SLC8B1: variants seen among roughly 807,000 people sequenced by gnomAD.
The protein encoded by SLC8B1 is solute carrier family 8 member B1, also known as mitochondrial sodium/calcium exchanger protein.
In SLC8B1, 52 loss-of-function variants were observed where a neutral mutation model predicts 63.4. The observed-to-expected ratio is 0.82, with a 90% CI of 0.66 to 1.03. The LOEUF is 1.03. Among genes scored for constraint, SLC8B1 ranks in the 50% least tolerant of loss-of-function variants. The pLI is 0.00. For synonymous variants in SLC8B1, 336 were observed against 323.9 expected (o/e 1.04, Z -0.40); for missense variants, 657 against 741.7 (o/e 0.89, Z 1.33).
chr12:113,305,724 G>A lies in SLC8B1; in HGVS notation c.1492+771C>T, dbSNP rs1956662238. Among the ~76,000 whole-genome samples the A allele has an allele frequency of 6.6e-6, 1 of 152,172 alleles. No homozygotes were observed. The highest frequency in any genetic ancestry group is 1.5e-5 in the Non-Finnish European group (1 of 68,030). Reference sequence around the variant, plus strand: ...GTTTCTGCACTATAGCAGCAGAGTTGAGTAGCTGCAAAACCGCCTGCATGG... The same window carrying A: ...GTTTCTGCACTATAGCAGCAGAGTTAAGTAGCTGCAAAACCGCCTGCATGG... On this transcript the variant is annotated intron_variant, in intron 14 of 15. Transcript: ENST00000680972. This position sits in a 1 kb window ranked among gnomAD's most constrained non-coding sequence, Gnocchi z 4.3.
intron 2 of SLC8B1, among the ~76,000 whole-genome samples, chr12:113,325,855 G>C (rs545634408): frequency 1.3e-5 from 2 of 152,152 alleles, no homozygotes; most frequent in Non-Finnish European, 2.9e-5. Context: ...GAGCCACCGC[G>C]CCCAGCCCTG....
At chr12:113,302,687 T>C (rs1956606491) in intron 15 of SLC8B1, 1 of 456,052 alleles carries the variant, frequency 2.2e-6, no homozygotes, top group Admixed American at 2.4e-5. Context: ...CCCAGCCACC[T>C]GCATCCTCCT....
At chr12:113,301,174 G>T (rs964333613) in intron 15 of SLC8B1, among the ~76,000 whole-genome samples, 1 of 151,958 alleles carries the variant, frequency 6.6e-6, no homozygotes, top group Non-Finnish European at 1.5e-5. Flanking sequence ...ATAGATGGAG[G>T]CATGGACAGA....
intron 2 of SLC8B1, among the ~76,000 whole-genome samples, chr12:113,328,697 C>T (rs1041742443): frequency 2.6e-5 from 4 of 151,946 alleles, no homozygotes; most frequent in African/African-American, 9.7e-5. Context: ...ACACTTCTTG[C>T]AGGAAGCCCT....
intron 2 of SLC8B1, among the ~76,000 whole-genome samples, chr12:113,325,588 G>A (rs983126800): frequency 1.4e-5 from 2 of 143,236 alleles, no homozygotes; most frequent in Non-Finnish European, 3.0e-5. Context: ...TTTTTGAGAC[G>A]GAGTCTCGCT....
Position 113,320,014 on chromosome 12 carries a change from A to C in SLC8B1, c.694+317T>G. ...CGCTATGTTGCCCAGGCTGGTCTCAAACTCCTGAACCAAAGTGATCCTCCT... is the reference window on the plus strand; with the variant it reads ...CGCTATGTTGCCCAGGCTGGTCTCACACTCCTGAACCAAAGTGATCCTCCT... On this transcript the variant is annotated intron_variant, in intron 7 of 15. Coordinates refer to ENST00000680972, the MANE Select transcript of SLC8B1 (RefSeq NM_001358345.2). The surrounding 1 kb of genome is among the most constrained non-coding windows in gnomAD (Gnocchi z 5.3). The C allele has an allele frequency of 3.5e-6, 1 of 288,894 alleles. No homozygotes were observed. Among genetic ancestry groups the C allele is most frequent in the South Asian group, 5.1e-5 (1 of 19,792 alleles). The allele number at this position is 288,894 out of a possible 1,614,324, so 17.9% of individuals were successfully genotyped here. A position where few individuals can be genotyped will look rare whatever the true frequency, so the allele number is the denominator to read the frequency against.
rs1194174130 is a variant in SLC8B1 at position 113,315,485 on chromosome 12, G to A, written c.994-9C>T. The A allele has an allele frequency of 6.4e-7, 1 of 1,573,926 alleles. No homozygotes were observed. On this transcript the variant is annotated splice_polypyrimidine_tract_variant and intron_variant, in intron 10 of 15. Coordinates refer to ENST00000680972, the MANE Select transcript of SLC8B1 (RefSeq NM_001358345.2). ...AGGAACTCCACAGGCAGCTGTCAAG[G>A]GGGCAAAAGTGGGAGGGTGTCGGCA...
chr12:113,319,268 T>G, intron 7 of SLC8B1, 197 bp from the exon 8 acceptor site: 1 of 542,132 alleles, frequency 1.8e-6, no homozygotes, highest in Non-Finnish European at 3.4e-6. Context: ...CCTTCCTGTC[T>G]CCCTTGCAAT....
rs1957110798 is a variant in SLC8B1 at position 113,335,016 on chromosome 12, A to C, written c.-656T>G. Reference sequence around the variant, plus strand: ...ACCTCGGGCCGGGCCTGGGACCAGCAAACTCCGAACCTCGACCTCGCAGGG... The same window carrying C: ...ACCTCGGGCCGGGCCTGGGACCAGCCAACTCCGAACCTCGACCTCGCAGGG... On this transcript the variant is annotated 5_prime_UTR_variant, in exon 1 of 16. Coordinates refer to ENST00000680972, the MANE Select transcript of SLC8B1 (RefSeq NM_001358345.2). The C allele has an allele frequency of 6.6e-6, 1 of 152,274 alleles. No homozygotes were observed. Among genetic ancestry groups the C allele is most frequent in the Non-Finnish European group, 1.5e-5 (1 of 68,070 alleles). The allele number at this position is 152,274 out of a possible 1,614,324, so 9.4% of individuals were successfully genotyped here.
intron 8 of SLC8B1, 113 bp downstream of exon 8, chr12:113,318,851 G>A (rs1357530705): frequency 1.3e-6 from 1 of 745,762 alleles, no homozygotes; most frequent in Non-Finnish European, 2.3e-6. Context: ...AGAGCATGAA[G>A]AGGAGATGAG....
chr12:113,304,456 A>C (rs188658519), intron 14 of SLC8B1, 71 bp from the exon 15 acceptor site: 30 of 1,405,528 alleles, frequency 2.1e-5, no homozygotes, highest in Non-Finnish European at 2.9e-5. Context: ...CGTTCCTCCT[A>C]CTGTGTTCAT....
chr12:113,316,436 G>C, intron 10 of SLC8B1, 90 bp downstream of exon 10: 1 of 1,487,416 alleles, frequency 6.7e-7, no homozygotes, highest in East Asian at 2.3e-5. Context: ...TGGACCCCAG[G>C]CCCTCCCCCT....
intron 2 of SLC8B1, among the ~76,000 whole-genome samples, chr12:113,324,688 T>G (rs1026182908): frequency 2.6e-5 from 4 of 151,730 alleles, no homozygotes; most frequent in Admixed American, 2.6e-4. Context: ...ATTACAGGTG[T>G]GAGCCACTGC....
intron 2 of SLC8B1, among the ~76,000 whole-genome samples, chr12:113,328,335 TTTTC>T (rs1957020375): frequency 6.6e-6 from 1 of 152,016 alleles, no homozygotes; most frequent in African/African-American, 2.4e-5. Flanking sequence ...GGCCAGAAAT[TTTTC>T]TCTCTTAAAC....
Position 113,318,874 on chromosome 12 carries a change from A to G in SLC8B1, c.802+90T>C, listed in dbSNP as rs1327374300. On this transcript the variant is annotated intron_variant, in intron 8 of 15. Coordinates refer to ENST00000680972, the MANE Select transcript of SLC8B1 (RefSeq NM_001358345.2). ...AAGAGGAGATGAGCTTGGTGGGGAC[A>G]ATGGCCTCAGGAGACCCTGGGCAGC... 7.3e-6 allele frequency: 7 copies of G among 962,554 alleles called. No homozygotes were observed. In the East Asian group the frequency reaches 1.8e-4, roughly 24 times the overall value. 59.6% of individuals were successfully genotyped at this position (962,554 alleles called of 1,614,324 possible). A position where few individuals can be genotyped will look rare whatever the true frequency, so the allele number is the denominator to read the frequency against.
chr12:113,306,097 A>AAAT, intron 14 of SLC8B1, among the ~76,000 whole-genome samples: 1 of 149,204 alleles, frequency 6.7e-6, no homozygotes, highest in East Asian at 2.0e-4. Context: ...AAAAAAAAGA[A>AAAT]TTCTCTGGCC....
At chr12:113,319,991 C>A in intron 7 of SLC8B1, 1 of 243,708 alleles carries the variant, frequency 4.1e-6, no homozygotes. Context: ...TGTAGTCTCG[C>A]TATGTTGCCC....
chr12:113,317,827 A>C (rs555535719), intron 8 of SLC8B1, among the ~76,000 whole-genome samples: 1 of 150,624 alleles, frequency 6.6e-6, no homozygotes, highest in Non-Finnish European at 1.5e-5. Context: ...ATTTGTGTGT[A>C]TTGTGTATGT....
chr12:113,332,286 T>G (rs1238662458), intron 2 of SLC8B1, among the ~76,000 whole-genome samples: 19 of 152,192 alleles, frequency 1.2e-4, no homozygotes. Context: ...TTTTTTTTGT[T>G]GTTGAGACAG....
Sources: allele counts gnomAD v4.1 joint callset (sites outside exome capture counted in the v4.1 genomes callset), GRCh38; gene constraint gnomAD v4.1.1; non-coding constraint Gnocchi (gnomAD v3.1); transcripts MANE v1.5; gene names NCBI Gene and HGNC (gene_info 2026-07-23, HGNC 2026-07-21).